DAPK1: variants seen among roughly 807,000 people sequenced by gnomAD.
DAPK1 encodes the protein death-associated protein kinase 1.
In DAPK1, 56 loss-of-function variants were observed where a neutral mutation model predicts 144.9. That is an observed-to-expected ratio of 0.39 (90% CI 0.31 to 0.48). The LOEUF is 0.48. DAPK1 is among the 20% of genes least tolerant of loss of function. The pLI is 0.95. For synonymous variants in DAPK1, 690 were observed against 749.0 expected, an observed-to-expected ratio of 0.92 and a Z score of 1.29; for missense variants, 1,454 against 1,875.4, an observed-to-expected ratio of 0.78 and a Z score of 4.15.
rs1824303349 is a variant in DAPK1, at chr9:87,499,147, G to GTAC, written c.62+8_62+9insTAC. ...CGGCGAGGAACTTGGCAGGTAAAGG[G>GTAC]GGTACCAGAAGCGTACCCTCCTGGA... On this transcript the variant is annotated intron_variant, in intron 2 of 25. Coordinates refer to ENST00000408954, the MANE Select transcript of DAPK1 (RefSeq NM_004938.4). 1 of 1,612,770 alleles carries GTAC rather than the reference G, an allele frequency of 6.2e-7. No individual in the cohort carries two copies. Among genetic ancestry groups the GTAC allele is most frequent in the Middle Eastern group, 1.6e-4 (1 of 6,082 alleles).
At chr9:87,618,259 C>T (rs187078319) in intron 3 of DAPK1, among the ~76,000 whole-genome samples, 2 of 152,268 alleles carry the variant, frequency 1.3e-5, no homozygotes, top group African/African-American at 4.8e-5. Context: ...TAGGATGGCT[C>T]TAATCAAAAA....
chr9:87,602,782 C>T (rs1407838000), intron 2 of DAPK1, among the ~76,000 whole-genome samples: 14 of 152,116 alleles, frequency 9.2e-5, no homozygotes, highest in Admixed American at 1.3e-4. Context: ...TACAGGCACG[C>T]GCCACCACAC....
At chr9:87,704,837 G>T (rs1281938447) in intron 25 of DAPK1, among the ~76,000 whole-genome samples, 2 of 152,196 alleles carry the variant, frequency 1.3e-5, no homozygotes, top group Non-Finnish European at 2.9e-5. Context: ...GTCACCGGTG[G>T]GGTCAGAGCC....
At chr9:87,637,387 C>T (rs571549580) in intron 3 of DAPK1, among the ~76,000 whole-genome samples, 16 of 152,220 alleles carry the variant, frequency 1.1e-4, no homozygotes, top group African/African-American at 3.9e-4. Context: ...CCATTGCGCC[C>T]AGGCTACTAA....
Position 87,518,278 on chromosome 9 carries a change from AT to A in DAPK1, c.62+19160del, listed in dbSNP as rs1188386875. 6.5e-3 allele frequency among the ~76,000 whole-genome samples: 804 copies of A among 124,554 alleles called. 4 individuals carry two copies. Among genetic ancestry groups the A allele is most frequent in the African/African-American group, 0.015 (496 of 32,090 alleles). The allele number at this position is 124,554 out of a possible 152,430, so 81.7% of individuals were successfully genotyped here. On this transcript the variant is annotated intron_variant, in intron 2 of 25. Transcript: ENST00000408954. ...AGGCGTGCCCCACCACACCCAGCTAATTTTTTTTTTTTTTTTTTTTTGTATT... is the reference window on the plus strand; with the variant it reads ...AGGCGTGCCCCACCACACCCAGCTAATTTTTTTTTTTTTTTTTTTTGTATT...
chr9:87,620,546 A>C (rs1026411923), intron 3 of DAPK1, among the ~76,000 whole-genome samples: 1 of 136,056 alleles, frequency 7.3e-6, no homozygotes, highest in African/African-American at 2.7e-5. Context: ...GTCAAGAAGG[A>C]GGAAGAGAAG....
chr9:87,518,584 T>G (rs908132210), intron 2 of DAPK1, among the ~76,000 whole-genome samples: 4 of 152,194 alleles, frequency 2.6e-5, no homozygotes, highest in African/African-American at 9.7e-5. Context: ...TAGGTGGGTC[T>G]AGGATGGTAA....
intron 23 of DAPK1, among the ~76,000 whole-genome samples, chr9:87,699,559 A>G (rs1054020674): frequency 2.0e-5 from 3 of 148,044 alleles, no homozygotes; most frequent in Non-Finnish European, 4.5e-5. Flanking sequence ...GATGTAAAAT[A>G]TATGTTTTTA....
intron 2 of DAPK1, among the ~76,000 whole-genome samples, chr9:87,555,948 A>C (rs1447142148): frequency 6.6e-6 from 1 of 152,264 alleles, no homozygotes; most frequent in African/African-American, 2.4e-5. Flanking sequence ...AGAGGAATGG[A>C]AGTAGTCACT....
At chr9:87,611,697 C>G (rs577215347) in intron 3 of DAPK1, among the ~76,000 whole-genome samples, 1 of 152,316 alleles carries the variant, frequency 6.6e-6, no homozygotes, top group African/African-American at 2.4e-5. Context: ...TTATGCAGCC[C>G]TCTCACCCTG....
chr9:87,676,467 G>A (rs571184559), intron 19 of DAPK1, among the ~76,000 whole-genome samples: 2 of 152,336 alleles, frequency 1.3e-5, no homozygotes, highest in Admixed American at 6.5e-5. Context: ...AGATATATTC[G>A]GATGTGCTTA....
At chr9:87,621,458 G>T (rs1829290897) in intron 3 of DAPK1, among the ~76,000 whole-genome samples, 1 of 152,194 alleles carries the variant, frequency 6.6e-6, no homozygotes, top group Non-Finnish European at 1.5e-5. Flanking sequence ...GTAGCCATCT[G>T]CAGTAAGCAT....
rs373089860 is a variant in DAPK1, at chr9:87,596,066, T to C, written c.63-8888T>C. Among the ~76,000 whole-genome samples, 343 of 152,236 alleles carry C rather than the reference T, an allele frequency of 2.3e-3. 1 individual carries two copies. The highest frequency in any genetic ancestry group is 8.0e-3 in the African/African-American group (332 of 41,548). ...AGCTTCTTGAAGGGCAGAAAGAGAA[T>C]AACTCCAGGTGTGGGCTACATTCCA... On this transcript the variant is annotated intron_variant, in intron 2 of 25. Coordinates refer to ENST00000408954, the MANE Select transcript of DAPK1 (RefSeq NM_004938.4).
chr9:87,667,478 T>A (rs1231086709), intron 18 of DAPK1, among the ~76,000 whole-genome samples: 1 of 152,170 alleles, frequency 6.6e-6, no homozygotes, highest in East Asian at 1.9e-4. Flanking sequence ...CTAAAATTCC[T>A]AAGAGGCACA....
chr9:87,520,587 A>T (rs1490365471), intron 2 of DAPK1, among the ~76,000 whole-genome samples: 2 of 152,314 alleles, frequency 1.3e-5, no homozygotes, highest in African/African-American at 4.8e-5. Flanking sequence ...TGGGGGGATG[A>T]ATTAGGATAT....
intron 19 of DAPK1, among the ~76,000 whole-genome samples, chr9:87,671,033 C>T (rs1015843822): frequency 3.9e-5 from 6 of 152,102 alleles, no homozygotes; most frequent in South Asian, 4.2e-4. Context: ...GAAAAAGGAC[C>T]GAGGGAGAGC....
intron 19 of DAPK1, among the ~76,000 whole-genome samples, chr9:87,669,380 T>C (rs560353466): frequency 8.7e-4 from 132 of 152,142 alleles, no homozygotes; most frequent in South Asian, 2.5e-3. Flanking sequence ...AGAAGACAGA[T>C]TGTATATAGG....
chr9:87,593,515 T>G (rs990632369), intron 2 of DAPK1, among the ~76,000 whole-genome samples: 3 of 152,216 alleles, frequency 2.0e-5, no homozygotes, highest in Non-Finnish European at 4.4e-5. Flanking sequence ...AATTCGTATT[T>G]TAATCTGGGC....
At chr9:87,534,106 ATT>A (rs5899003) in intron 2 of DAPK1, among the ~76,000 whole-genome samples, 157 of 149,642 alleles carry the variant, frequency 1.0e-3, no homozygotes, top group East Asian at 3.9e-3. Context: ...ATTTCTTGCG[ATT>A]TTTTTTTTTT....
Sources: allele counts gnomAD v4.1 joint callset (sites outside exome capture counted in the v4.1 genomes callset), GRCh38; gene constraint gnomAD v4.1.1; transcripts MANE v1.5; gene names NCBI Gene and HGNC (gene_info 2026-07-23, HGNC 2026-07-21).